ABCB5: variants seen among roughly 807,000 people sequenced by gnomAD.
ABCB5 encodes ATP-binding cassette sub-family B member 5.
Under a neutral mutation model 144.2 loss-of-function variants are expected in ABCB5, and 155 were observed. The ratio of observed to expected loss-of-function variants is 1.08; its 90% CI spans 0.94 to 1.23. The LOEUF (loss-of-function observed/expected upper bound fraction) is 1.23, where lower values mean the gene tolerates loss of function less well. ABCB5 is among the 50% of genes most tolerant of loss of function. ABCB5 has a pLI of 0.00. For missense variants in ABCB5, 1,830 were observed against 1,520.8 expected (o/e 1.20, Z -3.38); for synonymous variants, 610 against 528.6 (o/e 1.15, Z -2.11).
chr7:20,659,683 T>A, intron 14 of ABCB5: 1 of 987,310 alleles, frequency 1.0e-6, no homozygotes, highest in Non-Finnish European at 1.2e-6. Flanking sequence ...ATTTTATTCA[T>A]TTTTTATACT....
At chr7:20,725,180 A>C (rs576863123) in intron 21 of ABCB5, among the ~76,000 whole-genome samples, 1 of 152,364 alleles carries the variant, frequency 6.6e-6, no homozygotes, top group Admixed American at 6.5e-5. Flanking sequence ...GGCTTTTAAT[A>C]AGTCAATTTA....
chr7:20,684,275 T>C (rs192069782), intron 15 of ABCB5, among the ~76,000 whole-genome samples: 1 of 152,370 alleles, frequency 6.6e-6, no homozygotes, highest in Admixed American at 6.5e-5. Context: ...AAATGAAATA[T>C]AAACATGTAG....
intron 2 of ABCB5, among the ~76,000 whole-genome samples, chr7:20,624,868 T>C (rs1000770384): frequency 3.9e-5 from 6 of 152,226 alleles, no homozygotes; most frequent in Non-Finnish European, 8.8e-5. Context: ...GGCTCCGCCC[T>C]TGGCCTTTGC....
At chr7:20,698,873 A>G (rs1245992669) in intron 17 of ABCB5, among the ~76,000 whole-genome samples, 1 of 152,194 alleles carries the variant, frequency 6.6e-6, no homozygotes, top group African/African-American at 2.4e-5. Context: ...CCTTTCAATT[A>G]GTGGGTATAG....
At chr7:20,627,656 C>T (rs149557730) in intron 3 of ABCB5, among the ~76,000 whole-genome samples, 14 of 146,562 alleles carry the variant, frequency 9.6e-5, no homozygotes, top group Non-Finnish European at 2.1e-4. Context: ...TTCAAAACAG[C>T]CCTTAAAATT....
rs1339695334 is a variant in ABCB5, at chr7:20,753,473, G to A, written c.3543G>A (p.Glu1181=). 9 of 1,613,936 alleles carry A rather than the reference G, an allele frequency of 5.6e-6. No homozygotes were observed. Among genetic ancestry groups the A allele is most frequent in the Middle Eastern group, 1.7e-4 (1 of 6,060 alleles). The stretch of plus-strand genomic sequence containing the variant: ...AACCCAAAATTTTATTGTTGGATGA[G>A]GCCACTTCAGCCCTCGATAATGACA... ...LQKPKILLLD[E]ATSALDNDSE... Residue 1181 remains glutamate, a synonymous_variant, in exon 27 of 28, where the codon GAG becomes GAA. Transcript: ENST00000404938.
chr7:20,731,824 CTCA>C (rs1782232277), intron 23 of ABCB5, among the ~76,000 whole-genome samples: 1 of 152,138 alleles, frequency 6.6e-6, no homozygotes, highest in Non-Finnish European at 1.5e-5. Flanking sequence ...CAAAATTCTT[CTCA>C]TCCTCTTCAC....
chr7:20,725,231 G>C (rs1437360808), intron 21 of ABCB5, among the ~76,000 whole-genome samples: 2 of 152,142 alleles, frequency 1.3e-5, no homozygotes, highest in African/African-American at 4.8e-5. Context: ...AAATGTATCG[G>C]TCCTTCTTCA....
chr7:20,721,872 T>C (rs1030389325), intron 20 of ABCB5, among the ~76,000 whole-genome samples: 5 of 152,214 alleles, frequency 3.3e-5, no homozygotes, highest in African/African-American at 1.2e-4. Flanking sequence ...TCTTCCTTTT[T>C]ACTCTCCGTG....
At chr7:20,741,796 A>G (rs1260632175) in intron 24 of ABCB5, among the ~76,000 whole-genome samples, 1 of 152,182 alleles carries the variant, frequency 6.6e-6, no homozygotes, top group South Asian at 2.1e-4. Context: ...ACATGCACAC[A>G]CACACACAAA....
intron 23 of ABCB5, among the ~76,000 whole-genome samples, chr7:20,732,727 G>A (rs753310664): frequency 3.9e-5 from 6 of 152,078 alleles, no homozygotes; most frequent in Admixed American, 2.0e-4. Context: ...GATCTAAATC[G>A]AGGGCAACCA....
intron 14 of ABCB5, chr7:20,659,862 T>G: frequency 1.1e-6 from 1 of 908,310 alleles, no homozygotes; most frequent in Non-Finnish European, 1.3e-6. Context: ...TTTTGTATTT[T>G]TAGTAGAGAC....
Position 20,743,084 on chromosome 7 carries a change from A to G in ABCB5, c.3222+10A>G, listed in dbSNP as rs2128055418. ...CGTGCAAGGACAAGTGGTAAGACAG[A>G]ACTGAAACACACCTAATCTGGGGGT... On this transcript the variant is annotated intron_variant, in intron 25 of 27. Transcript: ENST00000404938. The G allele has an allele frequency of 6.2e-7, 1 of 1,613,276 alleles. No homozygotes were observed. The highest frequency in any genetic ancestry group is 8.5e-7 in the Non-Finnish European group (1 of 1,179,514).
chr7:20,621,521 C>T (rs1783804439), intron 1 of ABCB5, among the ~76,000 whole-genome samples: 1 of 152,066 alleles, frequency 6.6e-6, no homozygotes, highest in African/African-American at 2.4e-5. Context: ...AAGAATAAAA[C>T]ATGGGGTTCC....
At chr7:20,675,035 C>A (rs1359506409) in intron 14 of ABCB5, among the ~76,000 whole-genome samples, 1 of 151,854 alleles carries the variant, frequency 6.6e-6, no homozygotes, top group Non-Finnish European at 1.5e-5. Context: ...TGATCCTGAA[C>A]TGGAAGACTT....
chr7:20,626,761 A>C, intron 3 of ABCB5, 150 bp downstream of exon 3: 1 of 719,894 alleles, frequency 1.4e-6, no homozygotes, highest in Non-Finnish European at 2.1e-6. Context: ...TTCGATAGAA[A>C]AAATATAAAC....
chr7:20,698,666 C>G, intron 17 of ABCB5, 116 bp downstream of exon 17: 1 of 961,528 alleles, frequency 1.0e-6, no homozygotes, highest in South Asian at 1.9e-5. Flanking sequence ...AGTGGGCCGC[C>G]CCTAGTGTGG....
chr7:20,711,778 C>CTTTCTCTTTCTTTCTT (rs1554287283), intron 20 of ABCB5, among the ~76,000 whole-genome samples: 1 of 47,110 alleles, frequency 2.1e-5, no homozygotes, highest in Non-Finnish European at 3.6e-5. Flanking sequence ...TTCCTTCTTT[C>CTTTCTCTTTCTTTCTT]TCTTTCTTTC....
At chr7:20,615,882 C>T (rs971481406) in intron 1 of ABCB5, 45 bp downstream of exon 1, 2 of 152,170 alleles carry the variant, frequency 1.3e-5, no homozygotes, top group African/African-American at 4.8e-5. Context: ...ACAATTGAAG[C>T]TTGTGAAGAA....
Sources: allele counts gnomAD v4.1 joint callset (sites outside exome capture counted in the v4.1 genomes callset), GRCh38; gene constraint gnomAD v4.1.1; transcripts MANE v1.5; gene names NCBI Gene and HGNC (gene_info 2026-07-23, HGNC 2026-07-21).